The following AQR variants were observed in gnomAD, a reference collection of about 807,000 sequenced individuals.
AQR encodes RNA helicase aquarius.
A neutral mutation model predicts 180.5 loss-of-function variants in AQR; 61 were observed. The observed-to-expected ratio is 0.34, with a 90% CI of 0.28 to 0.42. The LOEUF (loss-of-function observed/expected upper bound fraction) is 0.42. Among genes scored for constraint, AQR ranks in the 10% least tolerant of loss-of-function variants. The pLI, the probability that AQR is intolerant of heterozygous loss-of-function variation, is 1.00. For synonymous variants in AQR, 551 were observed against 588.8 expected (o/e 0.94, Z 0.93); for missense variants, 1,281 against 1,798.3 (o/e 0.71, Z 5.20).
At chr15:34,904,056 GC>G (rs1893374694) in intron 19 of AQR, among the ~76,000 whole-genome samples, 1 of 151,696 alleles carries the variant, frequency 6.6e-6, no homozygotes, top group Admixed American at 6.6e-5. Context: ...TATACAAAAA[GC>G]AAAAAAGGAG....
intron 11 of AQR, 35 bp downstream of exon 11, chr15:34,932,283 A>G: frequency 6.5e-7 from 1 of 1,543,382 alleles, no homozygotes; most frequent in Non-Finnish European, 9.0e-7. Flanking sequence ...TTAGAAAGTA[A>G]AACAATAAAT....
Position 34,897,542 on chromosome 15 carries a change from A to T in AQR, c.2390+17T>A. 1 of 1,612,314 alleles carries T rather than the reference A, an allele frequency of 6.2e-7. No homozygotes were observed. The highest frequency in any genetic ancestry group is 8.5e-7 in the Non-Finnish European group (1 of 1,178,536). ...ACTATTGTTCATCATTACAATTATA[A>T]TAGGTAGTAAAATTACCGTTTGGGT... On this transcript the variant is annotated intron_variant, in intron 21 of 34. Coordinates refer to ENST00000156471, the MANE Select transcript of AQR (RefSeq NM_014691.3).
At chr15:34,936,367 G>A (rs1208731935) in intron 9 of AQR, among the ~76,000 whole-genome samples, 1 of 152,162 alleles carries the variant, frequency 6.6e-6, no homozygotes, top group Non-Finnish European at 1.5e-5. Flanking sequence ...TCATCATCCT[G>A]TTAGTTCCTT....
At chr15:34,943,232 A>C (rs780424250) in intron 6 of AQR, 12 of 1,610,240 alleles carry the variant, frequency 7.5e-6, no homozygotes, top group Non-Finnish European at 9.3e-6. Context: ...ATGGTGGGCA[A>C]ACTAAGCCAA....
Position 34,857,016 on chromosome 15 carries a change from T to C in AQR, c.4234A>G (p.Thr1412Ala), listed in dbSNP as rs1021795969. 6.2e-7 allele frequency: 1 copy of C among 1,614,058 alleles called. No homozygotes were observed. Among genetic ancestry groups the C allele is most frequent in the East Asian group, 2.2e-5 (1 of 44,872 alleles). ...CTGGGTATGATGTCAGCTTGAACAG[T>C]CATGGCCTCTTCTTCTGTTTCCAAT... The part of the protein sequence containing the change: ...TELETEEEAM[T>A]VQADIIPSPT... Residue 1412 changes from threonine to alanine, a missense_variant, in exon 35 of 35, where the codon ACT becomes GCT. Physicochemically the swap from Thr to Ala is moderately conservative, Grantham distance 58 (BLOSUM62 0). This residue lies in a region of AQR where 182 missense variants were observed against 185.3 expected (regional missense o/e 0.98). Coordinates refer to ENST00000156471, the MANE Select transcript of AQR (RefSeq NM_014691.3).
At chr15:34,912,686 C>T (rs998436350) in intron 16 of AQR, among the ~76,000 whole-genome samples, 1 of 150,646 alleles carries the variant, frequency 6.6e-6, no homozygotes, top group African/African-American at 2.4e-5. Flanking sequence ...GAACCACTAA[C>T]ATCCCAATGC....
At chr15:34,954,040 G>T (rs1181571682) in intron 3 of AQR, among the ~76,000 whole-genome samples, 1 of 151,532 alleles carries the variant, frequency 6.6e-6, no homozygotes, top group East Asian at 2.0e-4. Context: ...TCAGACTCTT[G>T]AGTAGCTGGG....
At chr15:34,874,528 A>C in intron 29 of AQR, 149 bp downstream of exon 29, 1 of 745,832 alleles carries the variant, frequency 1.3e-6, no homozygotes, top group Non-Finnish European at 2.2e-6. Context: ...CTCTTGCAGA[A>C]GTCGACAAAA....
At position 34,862,993 on chromosome 15, in the gene AQR, A is replaced by AAGT; in HGVS notation, c.3900_3902dup (p.Leu1301dup). 1 of 1,613,894 alleles carries AAGT rather than the reference A, an allele frequency of 6.2e-7. No homozygotes were observed. On this transcript the variant is annotated inframe_insertion, in exon 33 of 35. Coordinates refer to ENST00000156471, the MANE Select transcript of AQR (RefSeq NM_014691.3). ...AGAGGGATACTCTGGCGAAGATATA[A>AAGT]AGTCCAAGTCTGGCTCTAGACATGG... is the stretch of plus-strand genomic sequence containing the variant.
At chr15:34,951,399 T>C (rs140019981) in intron 4 of AQR, among the ~76,000 whole-genome samples, 8,013 of 152,104 alleles carry the variant, frequency 0.053, 319 homozygotes, top group African/African-American at 0.11. Flanking sequence ...GTCAGCTGGG[T>C]GCGGTGGCTC....
intron 3 of AQR, among the ~76,000 whole-genome samples, chr15:34,956,544 C>T (rs1894319173): frequency 6.6e-6 from 1 of 151,920 alleles, no homozygotes; most frequent in African/African-American, 2.4e-5. Context: ...CCCAGCTACT[C>T]AGGAGGCTGA....
intron 12 of AQR, 69 bp downstream of exon 12, chr15:34,930,189 T>C (rs906396646): frequency 1.6e-5 from 15 of 934,344 alleles, no homozygotes; most frequent in Non-Finnish European, 2.2e-5. Flanking sequence ...TCTGTACCTA[T>C]ACAAAACCTA....
rs763761383 is a variant in AQR, at chr15:34,969,537, A to C, written c.75+2T>G. On this transcript the variant is annotated splice_donor_variant, in intron 1 of 34. Coordinates refer to ENST00000156471, the MANE Select transcript of AQR (RefSeq NM_014691.3). LOFTEE classifies it high-confidence loss of function. ...ACACACACCAGACTCGCCCGAGCTCACCTGGGTCACGAACTCCGCATTGAT... is the reference window on the plus strand; with the variant it reads ...ACACACACCAGACTCGCCCGAGCTCCCCTGGGTCACGAACTCCGCATTGAT... 1 of 1,613,576 alleles carries C rather than the reference A, an allele frequency of 6.2e-7. No individual in the cohort carries two copies. The highest frequency in any genetic ancestry group is 1.7e-5 in the Admixed American group (1 of 60,020).
chr15:34,914,792 A>T (rs545523571), intron 16 of AQR, among the ~76,000 whole-genome samples: 1 of 151,938 alleles, frequency 6.6e-6, no homozygotes, highest in Non-Finnish European at 1.5e-5. Flanking sequence ...GAGCATGACG[A>T]CTTCTTCTCC....
At chr15:34,929,143 C>G (rs1167720855) in intron 12 of AQR, among the ~76,000 whole-genome samples, 4 of 152,044 alleles carry the variant, frequency 2.6e-5, no homozygotes, top group Non-Finnish European at 4.4e-5. Flanking sequence ...TGTAGGTTGC[C>G]TGTTTACTCT....
intron 13 of AQR, among the ~76,000 whole-genome samples, chr15:34,920,965 A>AT (rs1893675381): frequency 6.6e-6 from 1 of 152,054 alleles, no homozygotes; most frequent in African/African-American, 2.4e-5. Context: ...CTCAAAAATA[A>AT]TAACAATAAT....
At chr15:34,929,044 T>C (rs1893808966) in intron 12 of AQR, among the ~76,000 whole-genome samples, 4 of 152,196 alleles carry the variant, frequency 2.6e-5, no homozygotes, top group Admixed American at 2.6e-4. Context: ...TGGGGTTGTT[T>C]TTTTCTTGTA....
intron 26 of AQR, 98 bp downstream of exon 26, chr15:34,884,427 A>G: frequency 8.6e-7 from 1 of 1,158,508 alleles, no homozygotes; most frequent in Non-Finnish European, 1.2e-6. Context: ...AAAAAACAAA[A>G]AAACAAAAGA....
chr15:34,917,440 G>A (rs1276976343), intron 15 of AQR, among the ~76,000 whole-genome samples: 1 of 152,138 alleles, frequency 6.6e-6, no homozygotes, highest in Non-Finnish European at 1.5e-5. Flanking sequence ...CTCAGAGGAT[G>A]CGTGAAAAGT....
Sources: allele counts gnomAD v4.1 joint callset (sites outside exome capture counted in the v4.1 genomes callset), GRCh38; gene constraint gnomAD v4.1.1; regional missense constraint gnomAD v4.1.1; transcripts MANE v1.5; gene names NCBI Gene and HGNC (gene_info 2026-07-23, HGNC 2026-07-21).